The following ANKS1B variants were observed in gnomAD, a reference collection of about 807,000 sequenced individuals.
ANKS1B encodes ankyrin repeat and sterile alpha motif domain-containing protein 1B.
A neutral mutation model predicts 148.3 loss-of-function variants in ANKS1B; 36 were observed. That is an observed-to-expected ratio of 0.24 (90% CI 0.19 to 0.32). The LOEUF (loss-of-function observed/expected upper bound fraction) is 0.32. ANKS1B is among the 10% of genes least tolerant of loss of function. ANKS1B has a pLI of 1.00. For missense variants in ANKS1B, 1,157 were observed against 1,542.6 expected, an observed-to-expected ratio of 0.75 and a Z score of 4.19; for synonymous variants, 542 against 560.8, an observed-to-expected ratio of 0.97 and a Z score of 0.47.
intron 17 of ANKS1B, among the ~76,000 whole-genome samples, chr12:98,884,356 T>C (rs906874341): frequency 3.9e-5 from 6 of 152,224 alleles, no homozygotes; most frequent in Non-Finnish European, 1.5e-5. Flanking sequence ...ATTTCAGACA[T>C]TTGTTGGATT....
intron 11 of ANKS1B, among the ~76,000 whole-genome samples, chr12:99,433,070 T>G (rs1257827052): frequency 6.6e-6 from 1 of 152,148 alleles, no homozygotes. Context: ...TGAAGCTTTT[T>G]CAAAGGTCTA....
intron 11 of ANKS1B, among the ~76,000 whole-genome samples, chr12:99,430,064 A>G (rs1248776761): frequency 1.4e-5 from 2 of 145,226 alleles, no homozygotes; most frequent in African/African-American, 2.6e-5. Context: ...AAAAAAAAAG[A>G]TCTTTAGAAA....
Position 98,892,732 on chromosome 12 carries a change from C to T in ANKS1B, c.2779-60596G>A, listed in dbSNP as rs114172762. On this transcript the variant is annotated intron_variant, in intron 17 of 26. Coordinates refer to ENST00000683438, the MANE Select transcript of ANKS1B (RefSeq NM_001352186.2). ...CAAAATATCATATTAAATAATACAC[C>T]ATGCTGTATCTATATTTCAAAATTA... Among the ~76,000 whole-genome samples, 1,217 of 152,192 alleles carry T rather than the reference C, an allele frequency of 8.0e-3. 11 individuals carry two copies. The highest frequency in any genetic ancestry group is 0.025 in the African/African-American group (1,028 of 41,502).
rs754072197 is a variant in ANKS1B, at chr12:99,443,679, T to A, written c.1569A>T (p.Arg523=). The A allele has an allele frequency of 2.5e-6, 4 of 1,611,220 alleles. No homozygotes were observed. Among genetic ancestry groups the A allele is most frequent in the Non-Finnish European group, 3.4e-6 (4 of 1,178,344 alleles). ...TGCCATTCTGGGCACTTACCTGGGG[T>A]CGAATGACTTTTACAATATTTTTGA... is the stretch of plus-strand genomic sequence containing the variant. ...TALKNIVKVI[R]PQPKQRTSIV... The change falls in exon 11 of 27, where the codon CGA becomes CGT. Residue 523 remains arginine (R), a synonymous_variant. Coordinates refer to ENST00000683438, the MANE Select transcript of ANKS1B (RefSeq NM_001352186.2).
chr12:98,951,215 A>G (rs2099853585), intron 17 of ANKS1B, among the ~76,000 whole-genome samples: 1 of 152,164 alleles, frequency 6.6e-6, no homozygotes, highest in East Asian at 1.9e-4. Flanking sequence ...TCCTGGCTTT[A>G]GTGGACAGTA....
At chr12:99,900,392 G>A (rs2093554126) in intron 1 of ANKS1B, among the ~76,000 whole-genome samples, 1 of 150,832 alleles carries the variant, frequency 6.6e-6, no homozygotes, top group South Asian at 2.1e-4. Context: ...TGTAGTCCCA[G>A]CTACTCAGGA....
intron 8 of ANKS1B, among the ~76,000 whole-genome samples, chr12:99,697,438 AT>A (rs2054102645): frequency 1.3e-5 from 2 of 152,062 alleles, no homozygotes; most frequent in African/African-American, 4.8e-5. Flanking sequence ...ATGAAAAGAC[AT>A]AAAGAAACCT....
chr12:99,916,861 T>C (rs189292641), intron 1 of ANKS1B, among the ~76,000 whole-genome samples: 8 of 152,354 alleles, frequency 5.3e-5, no homozygotes, highest in Non-Finnish European at 1.2e-4. Flanking sequence ...TTCATAAATT[T>C]ATTTTTGTAA....
chr12:99,478,433 GT>G (rs958588022), intron 10 of ANKS1B, among the ~76,000 whole-genome samples: 2 of 151,966 alleles, frequency 1.3e-5, no homozygotes, highest in Non-Finnish European at 2.9e-5. Context: ...TTTAGTTTGG[GT>G]TTAGTAATAT....
intron 14 of ANKS1B, among the ~76,000 whole-genome samples, chr12:99,163,725 G>A (rs1178977957): frequency 6.6e-6 from 1 of 152,006 alleles, no homozygotes; most frequent in East Asian, 1.9e-4. Flanking sequence ...CATATATTAT[G>A]TAACATTTTG....
intron 9 of ANKS1B, among the ~76,000 whole-genome samples, chr12:99,644,705 C>T (rs1445818308): frequency 6.6e-6 from 1 of 152,224 alleles, no homozygotes; most frequent in Non-Finnish European, 1.5e-5. Flanking sequence ...CAAATTACCA[C>T]AAACTTAGTT....
chr12:99,929,126 C>A (rs1192173237), intron 1 of ANKS1B, among the ~76,000 whole-genome samples: 1 of 152,180 alleles, frequency 6.6e-6, no homozygotes, highest in Admixed American at 6.5e-5. Context: ...ATTTCAGGTT[C>A]AGCTCACAGA....
chr12:99,124,046 A>T (rs998861835), intron 15 of ANKS1B, among the ~76,000 whole-genome samples: 2 of 152,196 alleles, frequency 1.3e-5, no homozygotes, highest in Non-Finnish European at 2.9e-5. Flanking sequence ...AACCACTGTA[A>T]GGGATTTTAG....
chr12:99,431,957 T>G (rs898820689), intron 11 of ANKS1B, among the ~76,000 whole-genome samples: 1 of 152,226 alleles, frequency 6.6e-6, no homozygotes, highest in African/African-American at 2.4e-5. Context: ...GGCTTGGTTC[T>G]GTTCTAGCAA....
At chr12:99,473,408 G>A (rs190198896) in intron 10 of ANKS1B, among the ~76,000 whole-genome samples, 5,637 of 151,976 alleles carry the variant, frequency 0.037, 363 homozygotes, top group African/African-American at 0.13. Flanking sequence ...CAATATTGCA[G>A]TGAATATCCG....
At chr12:99,600,846 C>T (rs887748383) in intron 9 of ANKS1B, among the ~76,000 whole-genome samples, 1 of 151,978 alleles carries the variant, frequency 6.6e-6, no homozygotes, top group Non-Finnish European at 1.5e-5. Context: ...TTTTGTTTTC[C>T]AAGTACAAAA....
chr12:99,354,579 A>C (rs1479259882), intron 12 of ANKS1B, among the ~76,000 whole-genome samples: 3 of 152,078 alleles, frequency 2.0e-5, no homozygotes, highest in Non-Finnish European at 4.4e-5. Context: ...TGAATACCCA[A>C]AAGAAATGCT....
intron 1 of ANKS1B, among the ~76,000 whole-genome samples, chr12:99,917,339 C>A (rs529791230): frequency 1.3e-5 from 2 of 152,204 alleles, no homozygotes; most frequent in Non-Finnish European, 2.9e-5. Context: ...TCTTTGTCCT[C>A]AGCCATCACA....
At chr12:98,969,120 TG>T (rs2099881058) in intron 17 of ANKS1B, among the ~76,000 whole-genome samples, 1 of 152,188 alleles carries the variant, frequency 6.6e-6, no homozygotes, top group Non-Finnish European at 1.5e-5. Context: ...AGCTGCCGCC[TG>T]GATGGGGAAG....
Sources: gnomAD v4.1 joint callset for allele counts (sites outside exome capture counted in the v4.1 genomes callset) on GRCh38, gnomAD v4.1.1 for gene constraint, MANE v1.5 for transcripts, NCBI Gene and HGNC (gene_info 2026-07-23, HGNC 2026-07-21) for gene names.